EPHA5: variants seen among roughly 807,000 people sequenced by gnomAD.
The protein encoded by EPHA5 is ephrin type-A receptor 5.
In EPHA5, 60 loss-of-function variants were observed where a neutral mutation model predicts 105.0. The observed-to-expected ratio is 0.57, with a 90% CI of 0.46 to 0.71. The LOEUF is 0.71. Ranked by LOEUF, EPHA5 falls within the 30% of genes least tolerant of loss-of-function variation. The probability of loss-of-function intolerance (pLI) is 0.00; values close to 1 mark genes in which losing one functional copy is unlikely to be tolerated. For missense variants in EPHA5, 1,218 were observed against 1,274.7 expected, an observed-to-expected ratio of 0.96 and a Z score of 0.68; for synonymous variants, 513 against 449.1, an observed-to-expected ratio of 1.14 and a Z score of -1.80.
rs80292580 is a variant in EPHA5 at position 65,355,750 on chromosome 4, C to G, written c.2174-2647G>C. Reference sequence around the variant, plus strand: ...GTTTCAGGAATTTGAAAGAACTCAGCGAAGAAACTGTTACTCACATAAAGG... The same window carrying G: ...GTTTCAGGAATTTGAAAGAACTCAGGGAAGAAACTGTTACTCACATAAAGG... On this transcript the variant is annotated intron_variant, in intron 11 of 16. Coordinates refer to ENST00000613740, the MANE Select transcript of EPHA5 (RefSeq NM_001281766.3). 4.2e-3 allele frequency among the ~76,000 whole-genome samples: 631 copies of G among 151,534 alleles called. 4 individuals carry two copies. Among genetic ancestry groups the G allele is most frequent in the African/African-American group, 0.015 (604 of 41,396 alleles).
At chr4:65,466,489 G>A (rs528529440) in intron 5 of EPHA5, among the ~76,000 whole-genome samples, 40 of 152,122 alleles carry the variant, frequency 2.6e-4, no homozygotes, top group African/African-American at 8.4e-4. Flanking sequence ...GGGAAGTATC[G>A]TCATTTGACA....
At chr4:65,607,229 G>C (rs1192932725) in intron 2 of EPHA5, among the ~76,000 whole-genome samples, 1 of 151,662 alleles carries the variant, frequency 6.6e-6, no homozygotes, top group Non-Finnish European at 1.5e-5. Context: ...AAAAACCCTA[G>C]AAGAAAACCT....
At chr4:65,527,429 C>T (rs531066046) in intron 3 of EPHA5, among the ~76,000 whole-genome samples, 130 of 152,108 alleles carry the variant, frequency 8.5e-4, no homozygotes, top group Non-Finnish European at 1.6e-3. Flanking sequence ...TAGACACACA[C>T]AGAGCAAATA....
intron 2 of EPHA5, among the ~76,000 whole-genome samples, chr4:65,631,457 G>C (rs1440732257): frequency 6.6e-6 from 1 of 152,042 alleles, no homozygotes; most frequent in Non-Finnish European, 1.5e-5. Context: ...ACATACCAAA[G>C]AGAATGATCA....
intron 1 of EPHA5, among the ~76,000 whole-genome samples, chr4:65,653,563 A>T (rs1748796348): frequency 6.6e-6 from 1 of 152,034 alleles, no homozygotes; most frequent in Non-Finnish European, 1.5e-5. Context: ...AAAATATTTT[A>T]AAATTAGTCT....
At chr4:65,545,948 T>G (rs997334939) in intron 3 of EPHA5, among the ~76,000 whole-genome samples, 3 of 151,942 alleles carry the variant, frequency 2.0e-5, no homozygotes, top group African/African-American at 7.2e-5. Context: ...CTATACTCAG[T>G]GGTTTGTAAG....
At chr4:65,326,915 A>G (rs964847002) in intron 16 of EPHA5, among the ~76,000 whole-genome samples, 9 of 151,416 alleles carry the variant, frequency 5.9e-5, no homozygotes, top group African/African-American at 2.2e-4. Flanking sequence ...TCTCTTTCAA[A>G]CATGGAATTT....
At chr4:65,610,566 T>A (rs902764576) in intron 2 of EPHA5, among the ~76,000 whole-genome samples, 16 of 151,626 alleles carry the variant, frequency 1.1e-4, no homozygotes, top group Middle Eastern at 3.4e-3. Flanking sequence ...ATTAAACAAA[T>A]AAAATGGGAT....
intron 1 of EPHA5, among the ~76,000 whole-genome samples, chr4:65,660,141 AAC>A (rs1466895026): frequency 6.6e-6 from 1 of 152,114 alleles, no homozygotes; most frequent in Admixed American, 6.6e-5. Context: ...AAAATATTTG[AAC>A]ATATTTCTTG....
chr4:65,445,082 T>C (rs1241630733), intron 5 of EPHA5, among the ~76,000 whole-genome samples: 1 of 152,102 alleles, frequency 6.6e-6, no homozygotes, highest in African/African-American at 2.4e-5. Flanking sequence ...CTTCTTTTTC[T>C]AGTCTGCAAA....
intron 3 of EPHA5, among the ~76,000 whole-genome samples, chr4:65,523,283 C>G (rs11731307): frequency 6.6e-6 from 1 of 151,696 alleles, no homozygotes; most frequent in East Asian, 1.9e-4. Context: ...TCCTTTGCTC[C>G]GTGCTTCTTT....
Position 65,639,308 on chromosome 4 carries a change from T to G in EPHA5, c.246+4055A>C, listed in dbSNP as rs1175409441. Among the ~76,000 whole-genome samples the G allele has an allele frequency of 2.6e-5, 4 of 152,228 alleles. No individual in the cohort carries two copies. In the East Asian group the frequency reaches 5.8e-4, roughly 22 times the overall value. ...TCATTTATAGTTGCACAGATTTTACTTATTTGAGAATGTGTTAGTTTCTTC... is the reference window on the plus strand; with the variant it reads ...TCATTTATAGTTGCACAGATTTTACGTATTTGAGAATGTGTTAGTTTCTTC... On this transcript the variant is annotated intron_variant, in intron 2 of 16. Transcript: ENST00000613740.
chr4:65,332,946 G>A (rs1720780414), intron 15 of EPHA5, among the ~76,000 whole-genome samples: 1 of 151,780 alleles, frequency 6.6e-6, no homozygotes, highest in Admixed American at 6.6e-5. Flanking sequence ...TACATAGAGT[G>A]TTTCTTAATA....
intron 5 of EPHA5, among the ~76,000 whole-genome samples, chr4:65,468,197 G>A (rs981539555): frequency 6.6e-6 from 1 of 152,028 alleles, no homozygotes; most frequent in Admixed American, 6.6e-5. Flanking sequence ...TATTTATCAA[G>A]TAAGCCAGCT....
At chr4:65,468,505 A>C (rs1728936172) in intron 5 of EPHA5, among the ~76,000 whole-genome samples, 1 of 143,518 alleles carries the variant, frequency 7.0e-6, no homozygotes, top group South Asian at 2.1e-4. Flanking sequence ...ACACACACAC[A>C]CACCTACACA....
intron 3 of EPHA5, among the ~76,000 whole-genome samples, chr4:65,558,708 C>T (rs1738712983): frequency 6.6e-6 from 1 of 152,042 alleles, no homozygotes; most frequent in Non-Finnish European, 1.5e-5. Flanking sequence ...CACCCCACAA[C>T]AGGCCCTGGT....
intron 16 of EPHA5, among the ~76,000 whole-genome samples, chr4:65,329,556 T>A (rs1720397445): frequency 6.6e-6 from 1 of 151,484 alleles, no homozygotes; most frequent in Non-Finnish European, 1.5e-5. Context: ...TTATATTAAT[T>A]GATTTTCACA....
intron 3 of EPHA5, among the ~76,000 whole-genome samples, chr4:65,581,708 A>G (rs1438255372): frequency 6.6e-6 from 1 of 151,750 alleles, no homozygotes; most frequent in Non-Finnish European, 1.5e-5. Context: ...AGCGCACTTT[A>G]CTTCCTTAAA....
chr4:65,382,476 A>C (rs1426438158), intron 8 of EPHA5, among the ~76,000 whole-genome samples: 1 of 151,892 alleles, frequency 6.6e-6, no homozygotes, highest in African/African-American at 2.4e-5. Context: ...TATATATTTG[A>C]ACTCAAAATA....
Sources: allele counts gnomAD v4.1 joint callset (sites outside exome capture counted in the v4.1 genomes callset), GRCh38; gene constraint gnomAD v4.1.1; transcripts MANE v1.5; gene names NCBI Gene and HGNC (gene_info 2026-07-23, HGNC 2026-07-21).